RERE: variants seen among roughly 807,000 people sequenced by gnomAD.
The protein encoded by RERE is arginine-glutamic acid dipeptide repeats, also known as arginine-glutamic acid dipeptide repeats protein.
RERE carries 40 observed loss-of-function variants against 146.1 expected under a neutral mutation model. The observed-to-expected ratio is 0.27, with a 90% CI of 0.21 to 0.36. The LOEUF (loss-of-function observed/expected upper bound fraction) is 0.36. Among genes scored for constraint, RERE ranks in the 10% least tolerant of loss-of-function variants. The pLI is 1.00. For synonymous variants in RERE, 1,003 were observed against 866.0 expected (o/e 1.16, Z -2.78); for missense variants, 1,933 against 2,138.7 (o/e 0.90, Z 1.90).
chr1:8,628,179 C>A (rs1646996661), intron 2 of RERE, among the ~76,000 whole-genome samples: 1 of 152,110 alleles, frequency 6.6e-6, no homozygotes, highest in Non-Finnish European at 1.5e-5. Flanking sequence ...TGGGTGAGTG[C>A]ATCAAGTGAG....
intron 1 of RERE, among the ~76,000 whole-genome samples, chr1:8,694,945 A>G (rs988680519): frequency 2.3e-5 from 3 of 130,862 alleles, no homozygotes; most frequent in Non-Finnish European, 4.8e-5. Context: ...AAACCAAAAA[A>G]AGTACCCAAA....
intron 1 of RERE, among the ~76,000 whole-genome samples, chr1:8,754,248 A>G (rs1640593027): frequency 1.3e-5 from 2 of 150,710 alleles, no homozygotes; most frequent in Non-Finnish European, 3.0e-5. Flanking sequence ...AGCAGCATCG[A>G]CAGTACTGAC....
At chr1:8,436,592 T>G (rs113879577) in intron 11 of RERE, among the ~76,000 whole-genome samples, 677 of 152,236 alleles carry the variant, frequency 4.4e-3, no homozygotes, top group Non-Finnish European at 7.0e-3. Flanking sequence ...CGTGAGAGGA[T>G]TTTGCAAAAA....
At chr1:8,586,276 A>G (rs1166226041) in intron 4 of RERE, among the ~76,000 whole-genome samples, 1 of 152,238 alleles carries the variant, frequency 6.6e-6, no homozygotes, top group Non-Finnish European at 1.5e-5. Flanking sequence ...CTGGGTGACA[A>G]AACTATAATG....
chr1:8,602,435 C>T (rs6650094), intron 4 of RERE, among the ~76,000 whole-genome samples: 3,421 of 148,884 alleles, frequency 0.023, 119 homozygotes, highest in African/African-American at 0.079. Context: ...CAGCCTCACG[C>T]TATGTTCACT....
At chr1:8,465,579 C>T (rs922800703) in intron 11 of RERE, 4 of 369,626 alleles carry the variant, frequency 1.1e-5, no homozygotes, top group African/African-American at 8.5e-5. Context: ...GGTTATATGT[C>T]CACGGGTTTT....
At chr1:8,465,497 A>G (rs1227437192) in intron 11 of RERE, 2 of 346,636 alleles carry the variant, frequency 5.8e-6, no homozygotes, top group South Asian at 2.2e-5. Flanking sequence ...AACCAGCCTG[A>G]GCAACACGGC....
chr1:8,427,011 TG>T (rs1644022941), intron 11 of RERE, among the ~76,000 whole-genome samples: 1 of 152,242 alleles, frequency 6.6e-6, no homozygotes, highest in African/African-American at 2.4e-5. Flanking sequence ...CCACATTTTT[TG>T]TCTCCTTTAA....
chr1:8,641,880 G>A (rs373440162), intron 2 of RERE, among the ~76,000 whole-genome samples: 2 of 152,212 alleles, frequency 1.3e-5, no homozygotes, highest in East Asian at 3.9e-4. Context: ...TTTTGATAAT[G>A]GAGACTTAGC....
intron 1 of RERE, among the ~76,000 whole-genome samples, chr1:8,802,485 C>T (rs890770375): frequency 6.6e-6 from 1 of 152,228 alleles, no homozygotes; most frequent in South Asian, 2.1e-4. Context: ...TTGCTTCATG[C>T]AATTTCCTGC....
At position 8,557,372 on chromosome 1, in the gene RERE, C is replaced by T. The variant is rs376784065; in HGVS notation, c.628+46G>A. ...TGAAATGTCTTTAGAAAGAACTTTG[C>T]CCAAAGCTAAGAAACACACAAATCA... On this transcript the variant is annotated intron_variant, in intron 5 of 22. Coordinates refer to ENST00000400908, the MANE Select transcript of RERE (RefSeq NM_001042681.2). 9.7e-5 allele frequency: 125 copies of T among 1,283,616 alleles called. 1 individual carries two copies. The highest frequency in any genetic ancestry group is 2.0e-5 in the Non-Finnish European group (18 of 882,420). 79.5% of individuals were successfully genotyped at this position (1,283,616 alleles called of 1,614,324 possible).
At chr1:8,415,093 T>C (rs7541550) in intron 12 of RERE, among the ~76,000 whole-genome samples, 4 of 152,192 alleles carry the variant, frequency 2.6e-5, no homozygotes, top group Non-Finnish European at 5.9e-5. Context: ...ACAGACTAGA[T>C]AGATATATTT....
chr1:8,377,201 C>T (rs916458852), intron 12 of RERE, among the ~76,000 whole-genome samples: 1 of 152,224 alleles, frequency 6.6e-6, no homozygotes, highest in Non-Finnish European at 1.5e-5. Context: ...GGAATCACCC[C>T]GGCCTCTGGC....
At chr1:8,484,580 G>A (rs1022624009) in intron 10 of RERE, among the ~76,000 whole-genome samples, 2 of 151,936 alleles carry the variant, frequency 1.3e-5, no homozygotes, top group African/African-American at 2.4e-5. Flanking sequence ...CCACCATCAC[G>A]TCCAGCTAAT....
intron 4 of RERE, among the ~76,000 whole-genome samples, chr1:8,564,446 C>T (rs189209137): frequency 6.6e-6 from 1 of 152,194 alleles, no homozygotes; most frequent in Admixed American, 6.5e-5. Context: ...TCACAAAGGT[C>T]AGATGTGGAA....
chr1:8,407,862 G>A lies in RERE; in HGVS notation c.1284+14865C>T, dbSNP rs183658293. 9.9e-5 allele frequency among the ~76,000 whole-genome samples: 15 copies of A among 152,192 alleles called. No individual in the cohort carries two copies. In the East Asian group the frequency reaches 2.1e-3, roughly 22 times the overall value. The stretch of plus-strand genomic sequence containing the variant: ...TCAAAGGCGTGCTGCTGTTAACTGC[G>A]GCTCTCAAGGCCTTGCCCTCCACCT... On this transcript the variant is annotated intron_variant, in intron 12 of 22. Transcript: ENST00000400908.
At chr1:8,651,187 G>A (rs577924333) in intron 2 of RERE, among the ~76,000 whole-genome samples, 13 of 152,234 alleles carry the variant, frequency 8.5e-5, no homozygotes, top group Non-Finnish European at 1.6e-4. Flanking sequence ...ATGGAGGCAG[G>A]AGGATCACTT....
intron 1 of RERE, among the ~76,000 whole-genome samples, chr1:8,683,794 A>T (rs915428418): frequency 2.6e-5 from 4 of 152,046 alleles, no homozygotes; most frequent in African/African-American, 9.7e-5. Context: ...AATACAAAAT[A>T]AGCCGGGCAG....
chr1:8,661,480 A>T (rs1638455592), intron 1 of RERE, among the ~76,000 whole-genome samples: 1 of 152,182 alleles, frequency 6.6e-6, no homozygotes, highest in African/African-American at 2.4e-5. Flanking sequence ...ACTTCTGTTT[A>T]CCGGAGATCA....
Sources: allele counts gnomAD v4.1 joint callset (sites outside exome capture counted in the v4.1 genomes callset), GRCh38; gene constraint gnomAD v4.1.1; transcripts MANE v1.5; gene names NCBI Gene and HGNC (gene_info 2026-07-23, HGNC 2026-07-21).